Variants in METTL15 observed in about 807,000 individuals in gnomAD.
METTL15 encodes the protein 12S rRNA N(4)-cytidine methyltransferase METTL15.
A neutral mutation model predicts 38.3 loss-of-function variants in METTL15; 34 were observed. That is an observed-to-expected ratio of 0.89 (90% CI 0.68 to 1.18). The LOEUF is 1.18. Ranked by LOEUF, METTL15 falls within the 50% of genes most tolerant of loss-of-function variation. The probability of loss-of-function intolerance (pLI) is 0.00; values close to 1 mark genes in which losing one functional copy is unlikely to be tolerated. For missense variants in METTL15, 438 were observed against 498.4 expected, an observed-to-expected ratio of 0.88 and a Z score of 1.15; for synonymous variants, 162 against 170.9, an observed-to-expected ratio of 0.95 and a Z score of 0.41.
At chr11:28,409,980 A>G (rs560840000) in intron 5 of METTL15, among the ~76,000 whole-genome samples, 2 of 152,298 alleles carry the variant, frequency 1.3e-5, no homozygotes, top group East Asian at 1.9e-4. Flanking sequence ...AAGGATTATT[A>G]TGAAAAACTC....
At chr11:28,486,401 T>C (rs1851439758) in intron 6 of METTL15, among the ~76,000 whole-genome samples, 1 of 152,064 alleles carries the variant, frequency 6.6e-6, no homozygotes, top group Non-Finnish European at 1.5e-5. Flanking sequence ...CCTTTTTTTT[T>C]TTCTCTGCCT....
intron 3 of METTL15, among the ~76,000 whole-genome samples, chr11:28,137,567 T>C (rs960493972): frequency 6.6e-6 from 1 of 152,180 alleles, no homozygotes; most frequent in Non-Finnish European, 1.5e-5. Context: ...CCATATGTCC[T>C]CAAGCCTTAT....
intron 6 of METTL15, among the ~76,000 whole-genome samples, chr11:28,487,576 T>G (rs1453830010): frequency 6.6e-6 from 1 of 152,168 alleles, no homozygotes; most frequent in Non-Finnish European, 1.5e-5. Flanking sequence ...ATATTTCTAT[T>G]ACATTTCTCC....
At chr11:28,189,819 A>G (rs1851636265) in intron 3 of METTL15, among the ~76,000 whole-genome samples, 1 of 151,254 alleles carries the variant, frequency 6.6e-6, no homozygotes, top group South Asian at 2.1e-4. Context: ...TAACATTGTA[A>G]TCGAAATTTC....
chr11:28,321,760 G>T (rs764831816), intron 6 of METTL15, among the ~76,000 whole-genome samples: 2 of 152,022 alleles, frequency 1.3e-5, no homozygotes, highest in Non-Finnish European at 2.9e-5. Flanking sequence ...TGGAGGAGAA[G>T]ATGATGGGGA....
At chr11:28,126,132 C>T (rs985754308) in intron 3 of METTL15, among the ~76,000 whole-genome samples, 1 of 151,990 alleles carries the variant, frequency 6.6e-6, no homozygotes, top group African/African-American at 2.4e-5. Context: ...ACCTAGAGTA[C>T]ACATCCCACA....
At chr11:28,436,972 G>GA (rs1216942367) in intron 6 of METTL15, among the ~76,000 whole-genome samples, 1 of 152,220 alleles carries the variant, frequency 6.6e-6, no homozygotes, top group Non-Finnish European at 1.5e-5. Context: ...GCAGGCAGAA[G>GA]AAGGCGGGTG....
At chr11:28,198,697 CAA>C (rs1454798420) in intron 3 of METTL15, among the ~76,000 whole-genome samples, 2 of 152,030 alleles carry the variant, frequency 1.3e-5, no homozygotes, top group African/African-American at 4.8e-5. Flanking sequence ...CTTCACAAGA[CAA>C]TAATAAATCA....
intron 5 of METTL15, among the ~76,000 whole-genome samples, chr11:28,383,856 G>T (rs1324305892): frequency 6.6e-6 from 1 of 151,974 alleles, no homozygotes; most frequent in Non-Finnish European, 1.5e-5. Flanking sequence ...ATGGAGGTTT[G>T]TTAGATAGGT....
At chr11:28,495,664 G>A (rs1307113925) in intron 6 of METTL15, among the ~76,000 whole-genome samples, 1 of 151,740 alleles carries the variant, frequency 6.6e-6, no homozygotes, top group Non-Finnish European at 1.5e-5. Flanking sequence ...AAAATGAGAG[G>A]GTGGAAGAAA....
intron 6 of METTL15, among the ~76,000 whole-genome samples, chr11:28,480,799 G>A (rs915354312): frequency 4.6e-5 from 7 of 152,094 alleles, no homozygotes; most frequent in African/African-American, 1.4e-4. Context: ...TGATTTCTTG[G>A]TAGTAAGCTT....
At chr11:28,251,609 A>G (rs918848476) in intron 4 of METTL15, among the ~76,000 whole-genome samples, 1 of 152,084 alleles carries the variant, frequency 6.6e-6, no homozygotes, top group Non-Finnish European at 1.5e-5. Context: ...AGGAATCAAC[A>G]TTAGCATTAT....
At chr11:28,475,505 C>T (rs1393231451) in intron 6 of METTL15, among the ~76,000 whole-genome samples, 1 of 152,112 alleles carries the variant, frequency 6.6e-6, no homozygotes, top group Non-Finnish European at 1.5e-5. Flanking sequence ...CGTGGTGTGG[C>T]TGTTGAGAAA....
At chr11:28,269,994 A>G (rs918768659) in intron 4 of METTL15, among the ~76,000 whole-genome samples, 2 of 152,198 alleles carry the variant, frequency 1.3e-5, no homozygotes, top group Non-Finnish European at 2.9e-5. Flanking sequence ...GTGTTTATGG[A>G]ATAACTAACT....
chr11:28,363,943 T>A (rs557457316), intron 5 of METTL15, among the ~76,000 whole-genome samples: 1 of 152,300 alleles, frequency 6.6e-6, no homozygotes, highest in South Asian at 2.1e-4. Context: ...GGTAAGTCCT[T>A]TCTCTATTGC....
At chr11:28,208,476 A>G (rs955206754) in intron 3 of METTL15, among the ~76,000 whole-genome samples, 2 of 152,068 alleles carry the variant, frequency 1.3e-5, no homozygotes, top group Non-Finnish European at 2.9e-5. Context: ...TCCGAGAGAC[A>G]GTTTGTTATA....
intron 4 of METTL15, among the ~76,000 whole-genome samples, chr11:28,257,747 A>G (rs571034073): frequency 2.6e-5 from 4 of 152,160 alleles, no homozygotes; most frequent in Admixed American, 6.5e-5. Context: ...TAATTATTTC[A>G]ATCTCTGTAA....
At chr11:28,271,448 C>T (rs1355721690) in intron 4 of METTL15, among the ~76,000 whole-genome samples, 1 of 152,102 alleles carries the variant, frequency 6.6e-6, no homozygotes, top group Non-Finnish European at 1.5e-5. Flanking sequence ...TACTAATATT[C>T]TCAACCACAC....
intron 3 of METTL15, among the ~76,000 whole-genome samples, chr11:28,202,217 G>A (rs1466161878): frequency 6.6e-6 from 1 of 151,796 alleles, no homozygotes; most frequent in Non-Finnish European, 1.5e-5. Context: ...ATTAAAGTGG[G>A]GGTGGAAATA....
Sources: allele counts gnomAD v4.1 joint callset (sites outside exome capture counted in the v4.1 genomes callset), GRCh38; gene constraint gnomAD v4.1.1; transcripts MANE v1.5; gene names NCBI Gene and HGNC (gene_info 2026-07-23, HGNC 2026-07-21).